Variants in MX2 observed in about 807,000 individuals in gnomAD.
MX2 encodes interferon-induced GTP-binding protein Mx2.
MX2 carries 51 observed loss-of-function variants against 74.0 expected under a neutral mutation model. The observed-to-expected ratio is 0.69, with a 90% CI of 0.55 to 0.87. The LOEUF is 0.87. Among genes scored for constraint, MX2 ranks in the 40% least tolerant of loss-of-function variants. The pLI, the probability that MX2 is intolerant of heterozygous loss-of-function variation, is 0.00. For synonymous variants in MX2, 369 were observed against 339.3 expected (o/e 1.09, Z -0.96); for missense variants, 832 against 908.7 (o/e 0.92, Z 1.09).
At chr21:41,373,491 G>A (rs556115736) in intron 1 of MX2, among the ~76,000 whole-genome samples, 1 of 152,260 alleles carries the variant, frequency 6.6e-6, no homozygotes, top group African/African-American at 2.4e-5. Context: ...CAGGCTGCAG[G>A]CAGTCTCCAG....
chr21:41,364,465 G>T, intron 1 of MX2: 1 of 154,028 alleles, frequency 6.5e-6, no homozygotes, highest in East Asian at 1.9e-4. Context: ...GACAGGCACC[G>T]GCTCCTCAAG....
chr21:41,379,954 C>G, intron 3 of MX2, 63 bp from the exon 4 acceptor site: 1 of 1,586,480 alleles, frequency 6.3e-7, no homozygotes, highest in South Asian at 1.1e-5. Context: ...GTTCTGGGAG[C>G]GAAGGGCCCA....
intron 4 of MX2, among the ~76,000 whole-genome samples, chr21:41,381,768 C>T (rs1358122744): frequency 6.6e-6 from 1 of 152,068 alleles, no homozygotes; most frequent in South Asian, 2.1e-4. Flanking sequence ...GGAACCCCCT[C>T]CACTGCTGGT....
intron 3 of MX2, among the ~76,000 whole-genome samples, chr21:41,379,580 C>G (rs1336686742): frequency 6.6e-6 from 1 of 152,100 alleles, no homozygotes; most frequent in Non-Finnish European, 1.5e-5. Flanking sequence ...CCCCACCCCC[C>G]ACACTAACCA....
chr21:41,395,717 A>T lies in MX2; in HGVS notation c.1002A>T (p.Thr334=), dbSNP rs763533687. The T allele has an allele frequency of 6.2e-6, 10 of 1,614,228 alleles. No homozygotes were observed. Among genetic ancestry groups the T allele is most frequent in the Non-Finnish European group, 8.5e-6 (10 of 1,180,048 alleles). The change falls in exon 7 of 14, where the codon ACA becomes ACT. Residue 334 remains threonine, a synonymous_variant. Coordinates refer to ENST00000330714, the MANE Select transcript of MX2 (RefSeq NM_002463.2). Reference sequence around the variant, plus strand: ...AGTGCCGGGGCCAGCAGGAGATCACAAACAGGCTGAGCTTGGCAGAGGCAA... The same window carrying T: ...AGTGCCGGGGCCAGCAGGAGATCACTAACAGGCTGAGCTTGGCAGAGGCAA... ...IVKCRGQQEI[T]NRLSLAEATK... is the part of the protein sequence containing the mutation.
Position 41,382,286 on chromosome 21 carries a change from T to C in MX2, c.578-124T>C, listed in dbSNP as rs573570166. On this transcript the variant is annotated intron_variant, in intron 4 of 13. Coordinates refer to ENST00000330714, the MANE Select transcript of MX2 (RefSeq NM_002463.2). ...CTGCAGGCTTCTCTGAAATGTTTTCTAAACACCAGGGACCTACTGAAGCTC... is the reference window on the plus strand; with the variant it reads ...CTGCAGGCTTCTCTGAAATGTTTTCCAAACACCAGGGACCTACTGAAGCTC... 472 of 1,259,860 alleles carry C rather than the reference T, an allele frequency of 3.7e-4. 1 individual carries two copies. Among genetic ancestry groups the C allele is most frequent in the Non-Finnish European group, 4.9e-4 (457 of 937,048 alleles). The allele number at this position is 1,259,860 out of a possible 1,614,324, so 78.0% of individuals were successfully genotyped here.
chr21:41,367,449 G>A (rs2089276379), intron 1 of MX2: 1 of 152,008 alleles, frequency 6.6e-6, no homozygotes, highest in African/African-American at 2.4e-5. Flanking sequence ...TGAATAAGAT[G>A]GTAATGTTAT....
intron 6 of MX2, 75 bp downstream of exon 6, chr21:41,390,778 G>T: frequency 1.3e-6 from 2 of 1,523,244 alleles, no homozygotes; most frequent in Admixed American, 1.7e-5. Flanking sequence ...GGCCAAGACG[G>T]GCGGATCACG....
Position 41,399,004 on chromosome 21 carries a change from G to A in MX2, c.1257G>A (p.Met419Ile), listed in dbSNP as rs1242368065. Reference sequence around the variant, plus strand: ...TCCCCAGCCAGGAGGCCGACAAGATGTTCTTTCTAATTGAGGTGAGGATTT... The same window carrying A: ...TCCCCAGCCAGGAGGCCGACAAGATATTCTTTCTAATTGAGGTGAGGATTT... ...ADIPSQEADK[M>I]FFLIEKIKMF... The change falls in exon 9 of 14, where the codon ATG becomes ATA. Residue 419 changes from methionine (M) to isoleucine (I), a missense_variant. Transcript: ENST00000330714. 8 of 1,613,578 alleles carry A rather than the reference G, an allele frequency of 5.0e-6. No homozygotes were observed. In the South Asian group the frequency reaches 6.6e-5, roughly 13 times the overall value.
intron 1 of MX2, chr21:41,364,893 T>G (rs1381018700): frequency 3.9e-5 from 6 of 152,124 alleles, no homozygotes; most frequent in Admixed American, 3.9e-4. Flanking sequence ...TGACAGCTGA[T>G]TAGATGGTGC....
At chr21:41,395,405 A>C (rs1231435028) in intron 6 of MX2, among the ~76,000 whole-genome samples, 182 bp from the exon 7 acceptor site, 1 of 152,210 alleles carries the variant, frequency 6.6e-6, no homozygotes, top group Non-Finnish European at 1.5e-5. Flanking sequence ...AGGGTGAGAT[A>C]GCGAGCCAAT....
Position 41,402,873 on chromosome 21 carries a change from C to T in MX2, c.1574-394C>T. 4.7e-6 allele frequency: 1 copy of T among 212,754 alleles called. No individual in the cohort carries two copies. The highest frequency in any genetic ancestry group is 9.8e-6 in the Non-Finnish European group (1 of 102,550). The allele number at this position is 212,754 out of a possible 1,614,324, so 13.2% of individuals were successfully genotyped here. A position where few individuals can be genotyped will look rare whatever the true frequency, so the allele number is the denominator to read the frequency against. ...TGCAGCTCACAACAGGGTTTGTGCT[C>T]CTGTGAGAATCTAGTGCCACCGCAG... On this transcript the variant is annotated intron_variant, in intron 11 of 13. Transcript: ENST00000330714. The surrounding 1 kb of genome is among the most constrained non-coding windows in gnomAD (Gnocchi z 4.5).
In MX2 at chr21:41,398,404, A is replaced by G. The variant is rs999055265; in HGVS notation, c.1150-493A>G. ...TATGGATTCTCAAAAGCAGACAACT[A>G]CAGACAAGGGCCTCATGACATCATC... On this transcript the variant is annotated intron_variant, in intron 8 of 13. Transcript: ENST00000330714. 2.6e-5 allele frequency among the ~76,000 whole-genome samples: 4 copies of G among 152,270 alleles called. 1 individual carries two copies. The highest frequency in any genetic ancestry group is 5.9e-5 in the Non-Finnish European group (4 of 68,048).
chr21:41,399,140 G>A, intron 9 of MX2, 56 bp from the exon 10 acceptor site: 2 of 1,602,826 alleles, frequency 1.2e-6, no homozygotes, highest in Non-Finnish European at 1.7e-6. Flanking sequence ...TGCAACGCCG[G>A]TCCCAGTTCT....
chr21:41,376,261 T>G (rs537511716), intron 1 of MX2, among the ~76,000 whole-genome samples: 19 of 152,238 alleles, frequency 1.2e-4, no homozygotes, highest in African/African-American at 4.6e-4. Context: ...AGACTGGGTG[T>G]GGTGGCTCAC....
Position 41,406,229 on chromosome 21 carries a change from C to T in MX2, c.1651-515C>T, listed in dbSNP as rs191832909. ...TCTCGAGCTCCTGACCTCAAGTGAT[C>T]CACCCTCCTTGGCCTCCCAAAGTGC... On this transcript the variant is annotated intron_variant, in intron 12 of 13. Coordinates refer to ENST00000330714, the MANE Select transcript of MX2 (RefSeq NM_002463.2). Among the ~76,000 whole-genome samples, 8 of 152,292 alleles carry T rather than the reference C, an allele frequency of 5.3e-5. No individual in the cohort carries two copies. The East Asian group carries it at 1.5e-3, about 29-fold the overall frequency.
chr21:41,394,878 T>C (rs1472844356), intron 6 of MX2, among the ~76,000 whole-genome samples: 1 of 148,374 alleles, frequency 6.7e-6, no homozygotes, highest in Non-Finnish European at 1.5e-5. Flanking sequence ...GAGGCGGAGG[T>C]TGAAGTGAGC....
At position 41,390,688 on chromosome 21, in the gene MX2, G is replaced by A; in HGVS notation, c.856G>A (p.Gly286Arg). The A allele has an allele frequency of 2.5e-6, 4 of 1,614,118 alleles. No individual in the cohort carries two copies. In the East Asian group the frequency reaches 8.9e-5, roughly 36 times the overall value. Residue 286 changes from glycine (G) to arginine (R), a missense_variant, in exon 6 of 14, where the codon GGG (glycine) becomes AGG (arginine). Gly to Arg is a moderately radical substitution (Grantham distance 125). Transcript: ENST00000330714. ...CATGGCCCATGAGGTGGACCCGGAA[G>A]GGGACAGGACCATCGGTAAGAGGAA... ...LSMAHEVDPE[G>R]DRTIGILTKP...
At chr21:41,371,133 A>G (rs928347534) in intron 1 of MX2, among the ~76,000 whole-genome samples, 4 of 152,232 alleles carry the variant, frequency 2.6e-5, no homozygotes, top group African/African-American at 9.6e-5. Context: ...TTAAAAATAC[A>G]CACAAAGAAA....
Sources: gnomAD v4.1 joint callset for allele counts (sites outside exome capture counted in the v4.1 genomes callset) on GRCh38, gnomAD v4.1.1 for gene constraint, Gnocchi (gnomAD v3.1) non-coding constraint, MANE v1.5 for transcripts, NCBI Gene and HGNC (gene_info 2026-07-23, HGNC 2026-07-21) for gene names.